The following PTGER4 variants were observed in gnomAD, a reference collection of about 807,000 sequenced individuals.
PTGER4 encodes prostaglandin E receptor 4.
A neutral mutation model predicts 33.2 loss-of-function variants in PTGER4; 11 were observed. The observed-to-expected ratio is 0.33, with a 90% CI of 0.21 to 0.55. PTGER4 has a LOEUF of 0.55. Ranked by LOEUF, PTGER4 falls within the 20% of genes least tolerant of loss-of-function variation. PTGER4 has a pLI of 0.92. For missense variants in PTGER4, 481 were observed against 650.2 expected (o/e 0.74, Z 2.83); for synonymous variants, 275 against 281.5 (o/e 0.98, Z 0.23).
At chr5:40,709,086 G>A in the PTGER4 span, among the ~76,000 whole-genome samples, 5 of 152,118 alleles carry the variant, frequency 3.3e-5, no homozygotes, top group African/African-American at 4.8e-5. Flanking sequence ...ATACTGAATG[G>A]GCAAAAACTG....
chr5:40,723,490 TTAAA>T, the PTGER4 span, among the ~76,000 whole-genome samples: 4 of 144,824 alleles, frequency 2.8e-5, no homozygotes. Flanking sequence ...GGTTTAACAA[TTAAA>T]TAAAAGCTAA....
the PTGER4 span, among the ~76,000 whole-genome samples, chr5:40,717,882 G>C: frequency 6.6e-6 from 1 of 151,962 alleles, no homozygotes; most frequent in Admixed American, 6.6e-5. Context: ...TGGCCATGGT[G>C]AAAACCCGTC....
the PTGER4 span, among the ~76,000 whole-genome samples, chr5:40,712,595 G>A: frequency 6.6e-6 from 1 of 152,154 alleles, no homozygotes; most frequent in Non-Finnish European, 1.5e-5. Context: ...ATCTCCCTTT[G>A]CAGAGGCAAA....
chr5:40,691,858 G>A lies in PTGER4; in HGVS notation c.947G>A (p.Arg316Gln). The A allele has an allele frequency of 6.2e-7, 1 of 1,614,218 alleles. No homozygotes were observed. Among genetic ancestry groups the A allele is most frequent in the Non-Finnish European group, 8.5e-7 (1 of 1,180,040 alleles). The change falls in exon 3 of 3, where the codon CGA becomes CAA. Residue 316 changes from arginine (R) to glutamine (Q), a missense_variant. Arg to Gln is a conservative substitution (Grantham distance 43). This residue lies in a region of PTGER4 where 3 missense variants were observed against 18.4 expected (regional missense o/e 0.16). Transcript: ENST00000302472. This position sits in a 1 kb window ranked among gnomAD's most constrained non-coding sequence, Gnocchi z 4.2. ...AAAAATCCAGATTTGCAGGCCATCC[G>A]AATTGCTTCTGTGAACCCCATCCTA... ...VSKNPDLQAI[R>Q]IASVNPILDP...
Position 40,681,658 on chromosome 5 carries a change from C to A in PTGER4, c.665C>A (p.Ser222Ter). Residue 222 changes from serine to a stop codon, truncating the protein, a stop_gained, in exon 2 of 3, where the codon TCG becomes TAG. Transcript: ENST00000302472. LOFTEE classifies it high-confidence loss of function. The surrounding 1 kb of genome is among the most constrained non-coding windows in gnomAD (Gnocchi z 9.8). ...CACCGCCAGTTCATGCGCCGCACCT[C>A]GCTGGGCACCGAGCAGCACCACGCG... ...RMHRQFMRRT[S>*]LGTEQHHAAA... is the part of the protein sequence containing the mutation. 1 of 1,591,586 alleles carries A rather than the reference C, an allele frequency of 6.3e-7. No individual in the cohort carries two copies. Among genetic ancestry groups the A allele is most frequent in the South Asian group, 1.1e-5 (1 of 89,886 alleles).
rs1414066400 is a variant in PTGER4, at chr5:40,687,851, CT to C, written c.868-3924del. 1.2e-4 allele frequency among the ~76,000 whole-genome samples: 18 copies of C among 152,236 alleles called. No homozygotes were observed. The East Asian group carries it at 3.5e-3, about 29-fold the overall frequency. Reference sequence around the variant, plus strand: ...TTCAGTGGCTTGTACTAATTGTAAACTTTTCCTCCCCCATGGAAAACTTTAA... The same window carrying C: ...TTCAGTGGCTTGTACTAATTGTAAACTTTCCTCCCCCATGGAAAACTTTAA... On this transcript the variant is annotated intron_variant, in intron 2 of 2. Transcript: ENST00000302472.
Position 40,680,960 on chromosome 5 carries a change from T to C in PTGER4, c.-34T>C. 1 of 1,574,156 alleles carries C rather than the reference T, an allele frequency of 6.4e-7. No homozygotes were observed. Among genetic ancestry groups the C allele is most frequent in the Non-Finnish European group, 8.6e-7 (1 of 1,159,390 alleles). On this transcript the variant is annotated 5_prime_UTR_variant, in exon 2 of 3. Coordinates refer to ENST00000302472, the MANE Select transcript of PTGER4 (RefSeq NM_000958.3). This position sits in a 1 kb window ranked among gnomAD's most constrained non-coding sequence, Gnocchi z 5.5. ...CTTCTACCATCCCCAGACCCAGCCT[T>C]GCACTCCAAGGCTGCGCACCGCCAG...
chr5:40,727,130 T>C, the PTGER4 span, among the ~76,000 whole-genome samples: 2 of 152,190 alleles, frequency 1.3e-5, no homozygotes, highest in Admixed American at 6.5e-5. Context: ...GAAATAATGA[T>C]ACATTTATAA....
rs879580832 is a variant in PTGER4 at position 40,684,124 on chromosome 5, A to ACC, written c.867+2274_867+2275dup. Among the ~76,000 whole-genome samples, 227 of 74,120 alleles carry ACC rather than the reference A, an allele frequency of 3.1e-3. 2 individuals are homozygous for ACC. Among genetic ancestry groups the ACC allele is most frequent in the African/African-American group, 0.013 (206 of 15,480 alleles). 48.6% of individuals were successfully genotyped at this position (74,120 alleles called of 152,430 possible). On this transcript the variant is annotated intron_variant, in intron 2 of 2. Coordinates refer to ENST00000302472, the MANE Select transcript of PTGER4 (RefSeq NM_000958.3). ...GATGGGTTCATTATGCCACCCACCC[A>ACC]CCCCCCCCCCCACAATTCAGCAATT...
the PTGER4 span, among the ~76,000 whole-genome samples, chr5:40,725,373 G>A: frequency 6.6e-6 from 1 of 152,052 alleles, no homozygotes; most frequent in Non-Finnish European, 1.5e-5. Context: ...CATTACAAAA[G>A]CGAAACAATA....
chr5:40,726,441 C>G, the PTGER4 span, among the ~76,000 whole-genome samples: 1 of 150,942 alleles, frequency 6.6e-6, no homozygotes, highest in Non-Finnish European at 1.5e-5. Context: ...AGTGTCCCTT[C>G]GTTATGACAT....
chr5:40,689,974 G>A (rs1290391539), intron 2 of PTGER4, among the ~76,000 whole-genome samples: 1 of 151,802 alleles, frequency 6.6e-6, no homozygotes, highest in African/African-American at 2.4e-5. Context: ...AATTACAGAT[G>A]AGATTTTTAT....
chr5:40,728,354 C>T, the PTGER4 span: 1 of 1,573,544 alleles, frequency 6.4e-7, no homozygotes, highest in South Asian at 1.2e-5. Flanking sequence ...CCAGGATTAT[C>T]TCTCCTAAAC....
the PTGER4 span, among the ~76,000 whole-genome samples, chr5:40,726,791 T>C: frequency 1.2e-4 from 18 of 152,296 alleles, no homozygotes; most frequent in African/African-American, 3.1e-4. Context: ...ATAGACACTA[T>C]TGGCAAAAGA....
chr5:40,720,885 T>A, the PTGER4 span, among the ~76,000 whole-genome samples: 1 of 152,218 alleles, frequency 6.6e-6, no homozygotes. Context: ...GAGTGTCCAA[T>A]GCCCCAACTT....
chr5:40,730,038 C>T, the PTGER4 span, among the ~76,000 whole-genome samples: 16 of 152,246 alleles, frequency 1.1e-4, no homozygotes, highest in African/African-American at 2.9e-4. Flanking sequence ...TCCTATCTTA[C>T]AATAGTTAGG....
At chr5:40,725,131 A>G in the PTGER4 span, among the ~76,000 whole-genome samples, 2 of 151,136 alleles carry the variant, frequency 1.3e-5, no homozygotes, top group Admixed American at 1.3e-4. Flanking sequence ...TACAGGCATG[A>G]GCCACCATGC....
chr5:40,727,385 T>C, the PTGER4 span, among the ~76,000 whole-genome samples: 2,426 of 152,318 alleles, frequency 0.016, 61 homozygotes, highest in African/African-American at 0.055. Context: ...ATCAGGTGTA[T>C]ATAGCCCTGC....
At chr5:40,738,121 T>A in the PTGER4 span, among the ~76,000 whole-genome samples, 1 of 152,120 alleles carries the variant, frequency 6.6e-6, no homozygotes, top group Admixed American at 6.6e-5. Context: ...TTTAACTTTA[T>A]GTGAAACAGG....
Sources: allele counts gnomAD v4.1 joint callset (sites outside exome capture counted in the v4.1 genomes callset), GRCh38; gene constraint gnomAD v4.1.1; regional missense constraint gnomAD v4.1.1; non-coding constraint Gnocchi (gnomAD v3.1); transcripts MANE v1.5; gene names NCBI Gene and HGNC (gene_info 2026-07-23, HGNC 2026-07-21).